The following PAG1 variants were observed in gnomAD, a reference collection of about 807,000 sequenced individuals.
PAG1 encodes the protein phosphoprotein associated with glycosphingolipid-enriched microdomains 1.
Under a neutral mutation model 31.7 loss-of-function variants are expected in PAG1, and 23 were observed. The ratio of observed to expected loss-of-function variants is 0.73; its 90% CI spans 0.52 to 1.03. The LOEUF is 1.03. Ranked by LOEUF, PAG1 falls within the 50% of genes least tolerant of loss-of-function variation. The probability of loss-of-function intolerance (pLI) is 0.00; values close to 1 mark genes in which losing one functional copy is unlikely to be tolerated. For synonymous variants in PAG1, 214 were observed against 210.3 expected, an observed-to-expected ratio of 1.02 and a Z score of -0.15; for missense variants, 473 against 540.7, an observed-to-expected ratio of 0.87 and a Z score of 1.24.
chr8:80,979,127 C>A (rs6473257), intron 8 of PAG1, among the ~76,000 whole-genome samples: 51,360 of 152,122 alleles, frequency 0.34, 9,948 homozygotes, highest in African/African-American at 0.53. Flanking sequence ...AGTCATAGTT[C>A]TGTCATGTTA....
At chr8:81,017,973 CT>C (rs1808100621) in intron 3 of PAG1, among the ~76,000 whole-genome samples, 1 of 152,160 alleles carries the variant, frequency 6.6e-6, no homozygotes, top group Non-Finnish European at 1.5e-5. Flanking sequence ...TAAATAAACC[CT>C]TTTTATATGT....
At chr8:80,992,153 G>GC (rs11372268) in intron 4 of PAG1, among the ~76,000 whole-genome samples, 81,332 of 152,054 alleles carry the variant, frequency 0.53, 25,062 homozygotes, top group African/African-American at 0.84. Context: ...ACAGAAGCAG[G>GC]CCGTCCAGGC....
rs560468447 is a variant in PAG1, at chr8:81,045,319, T to C, written c.-174-15230A>G. 4.3e-4 allele frequency among the ~76,000 whole-genome samples: 66 copies of C among 152,316 alleles called. No homozygotes were observed. In the South Asian group the frequency reaches 7.7e-3, roughly 18 times the overall value. ...TTTCAGGTTGTTATTTTTGATGACA[T>C]TCATTCTTCTGGTCAATATCACTTA... On this transcript the variant is annotated intron_variant, in intron 2 of 8. Coordinates refer to ENST00000220597, the MANE Select transcript of PAG1 (RefSeq NM_018440.4).
At chr8:81,093,588 C>T (rs1294627854) in intron 1 of PAG1, among the ~76,000 whole-genome samples, 9 of 151,924 alleles carry the variant, frequency 5.9e-5, no homozygotes, top group African/African-American at 2.2e-4. Context: ...GACACGTTGC[C>T]TTTACAACAT....
At chr8:81,064,236 G>A (rs1586197622) in intron 2 of PAG1, among the ~76,000 whole-genome samples, 1 of 152,248 alleles carries the variant, frequency 6.6e-6, no homozygotes, top group Non-Finnish European at 1.5e-5. Context: ...GGATGAAACT[G>A]TTCCACTAAG....
intron 2 of PAG1, among the ~76,000 whole-genome samples, chr8:81,058,087 G>A (rs755084532): frequency 2.6e-5 from 4 of 152,144 alleles, no homozygotes; most frequent in Non-Finnish European, 5.9e-5. Flanking sequence ...AGGGAGATTT[G>A]AGCTGGACAT....
At chr8:81,039,200 A>C (rs1808512614) in intron 2 of PAG1, among the ~76,000 whole-genome samples, 2 of 152,070 alleles carry the variant, frequency 1.3e-5, no homozygotes, top group Non-Finnish European at 2.9e-5. Flanking sequence ...GGTTTGATTT[A>C]TGTCCCCCAA....
At chr8:81,037,903 G>C (rs1394725101) in intron 2 of PAG1, among the ~76,000 whole-genome samples, 1 of 152,188 alleles carries the variant, frequency 6.6e-6, no homozygotes, top group African/African-American at 2.4e-5. Flanking sequence ...CTTTTGGACT[G>C]GGACTTTAGC....
At chr8:80,986,505 A>C (rs1807425845) in intron 6 of PAG1, among the ~76,000 whole-genome samples, 1 of 152,230 alleles carries the variant, frequency 6.6e-6, no homozygotes, top group Non-Finnish European at 1.5e-5. Flanking sequence ...GAGGTTATGC[A>C]GAGTGACTGA....
intron 1 of PAG1, among the ~76,000 whole-genome samples, chr8:81,080,175 T>C (rs1158146771): frequency 1.3e-5 from 2 of 152,160 alleles, no homozygotes; most frequent in Non-Finnish European, 2.9e-5. Context: ...GACTGCGCAA[T>C]ACTCATAATT....
At chr8:81,108,759 C>T (rs551796174) in intron 1 of PAG1, among the ~76,000 whole-genome samples, 173 of 152,308 alleles carry the variant, frequency 1.1e-3, no homozygotes, top group Non-Finnish European at 2.1e-3. Flanking sequence ...GGAAGTACTG[C>T]TCACACAGCA....
chr8:81,008,521 C>G (rs1297519703), intron 3 of PAG1, among the ~76,000 whole-genome samples: 1 of 148,600 alleles, frequency 6.7e-6, no homozygotes, highest in Non-Finnish European at 1.5e-5. Context: ...AAGTATAATA[C>G]TACATATAAT....
At chr8:81,041,423 T>TGTCA (rs1173879182) in intron 2 of PAG1, among the ~76,000 whole-genome samples, 1 of 152,196 alleles carries the variant, frequency 6.6e-6, no homozygotes, top group African/African-American at 2.4e-5. Flanking sequence ...GGAGAGAAGA[T>TGTCA]GTCAGCCCAG....
chr8:81,035,484 T>A (rs1039709051), intron 2 of PAG1, among the ~76,000 whole-genome samples: 1 of 152,112 alleles, frequency 6.6e-6, no homozygotes, highest in Non-Finnish European at 1.5e-5. Flanking sequence ...ACAGCTGGCA[T>A]TGGGCAAGAT....
chr8:81,056,718 A>C (rs1380602723), intron 2 of PAG1, among the ~76,000 whole-genome samples: 5 of 152,154 alleles, frequency 3.3e-5, no homozygotes, highest in Non-Finnish European at 7.3e-5. Context: ...AAATTGACAA[A>C]TGGGATCTAA....
In PAG1 at chr8:81,103,832, A is replaced by G. The variant is rs181059246; in HGVS notation, c.-234+7759T>C. On this transcript the variant is annotated intron_variant, in intron 1 of 8. Transcript: ENST00000220597. ...CTTTCAGTGTGTTTATTTTGTGGAT[A>G]AAATGAGATATGCCCGCTATGGGGA... Among the ~76,000 whole-genome samples, 380 of 152,334 alleles carry G rather than the reference A, an allele frequency of 2.5e-3. 2 individuals carry two copies. The highest frequency in any genetic ancestry group is 8.5e-3 in the African/African-American group (353 of 41,566).
chr8:81,084,051 G>A (rs1234160271), intron 1 of PAG1, among the ~76,000 whole-genome samples: 1 of 151,904 alleles, frequency 6.6e-6, no homozygotes, highest in Non-Finnish European at 1.5e-5. Context: ...AAAAAAAAGG[G>A]AATATGTGAG....
At chr8:81,047,725 T>C (rs1165373958) in intron 2 of PAG1, among the ~76,000 whole-genome samples, 1 of 152,172 alleles carries the variant, frequency 6.6e-6, no homozygotes, top group African/African-American at 2.4e-5. Flanking sequence ...ATTTTTACTA[T>C]GGTAAAGGAA....
intron 3 of PAG1, among the ~76,000 whole-genome samples, chr8:81,021,867 G>A (rs1393279552): frequency 6.6e-6 from 1 of 152,148 alleles, no homozygotes; most frequent in African/African-American, 2.4e-5. Flanking sequence ...ATAAAAGTCA[G>A]TTCACATAGA....
Sources: gnomAD v4.1 joint callset for allele counts (sites outside exome capture counted in the v4.1 genomes callset) on GRCh38, gnomAD v4.1.1 for gene constraint, MANE v1.5 for transcripts, NCBI Gene and HGNC (gene_info 2026-07-23, HGNC 2026-07-21) for gene names.